The following SLF2 variants were observed in gnomAD, a reference collection of about 807,000 sequenced individuals.
SLF2 encodes SMC5/6 complex localization factor 2.
In SLF2, 68 loss-of-function variants were observed where a neutral mutation model predicts 124.3. The ratio of observed to expected loss-of-function variants is 0.55; its 90% confidence interval spans 0.45 to 0.67. SLF2 has a LOEUF of 0.67. Ranked by LOEUF, SLF2 falls within the 30% of genes least tolerant of loss-of-function variation. The probability of loss-of-function intolerance (pLI) is 0.00; values close to 1 mark genes in which losing one functional copy is unlikely to be tolerated. For missense variants in SLF2, 1,246 were observed against 1,373.7 expected, an observed-to-expected ratio of 0.91 and a Z score of 1.47; for synonymous variants, 480 against 478.8, an observed-to-expected ratio of 1.00 and a Z score of -0.03.
intron 9 of SLF2, among the ~76,000 whole-genome samples, chr10:100,933,597 T>A (rs1435171439): frequency 2.6e-5 from 4 of 152,130 alleles, no homozygotes; most frequent in African/African-American, 7.2e-5. Flanking sequence ...TTTTTTTTTT[T>A]AACAATTTTC....
chr10:100,924,483 T>G lies in SLF2; in HGVS notation c.1482T>G (p.Cys494Trp), dbSNP rs571983625. The G allele has an allele frequency of 1.9e-6, 3 of 1,614,190 alleles. No individual in the cohort carries two copies. The South Asian group carries it at 3.3e-5, about 18-fold the overall frequency. ...TAGTACCATTAAATGCTAAAAATTG[T>G]GCTCTTCCAGTTTCTAAAAAAGATA... ...SSLVPLNAKNCALPVSKKDKE... is the reference protein window; with the variant it reads ...SSLVPLNAKNWALPVSKKDKE... Residue 494 changes from cysteine (C) to tryptophan (W), a missense_variant, in exon 5 of 20, where the codon TGT becomes TGG. Physicochemically the swap from Cys to Trp is radical, Grantham distance 215. Around this residue, in one of 3 missense-constraint regions of SLF2, gnomAD observed 698 missense variants for 708.9 expected, o/e 0.98. Transcript: ENST00000238961.
At chr10:100,952,737 G>A (rs564102647) in intron 17 of SLF2, among the ~76,000 whole-genome samples, 5 of 151,464 alleles carry the variant, frequency 3.3e-5, no homozygotes, top group East Asian at 2.0e-4. Flanking sequence ...TCAGGAGTTC[G>A]AGACCAGCCT....
chr10:100,942,814 C>T (rs1850007608), intron 11 of SLF2, among the ~76,000 whole-genome samples: 1 of 152,186 alleles, frequency 6.6e-6, no homozygotes, highest in African/African-American at 2.4e-5. Context: ...CCACCATGCC[C>T]AGCCAAATTT....
Position 100,944,034 on chromosome 10 carries a change from C to G in SLF2, c.2663C>G (p.Thr888Arg). ...DFNEDYLVSE[T>R]QTTSRGKESE... ...TACTCACTTCTCAATAGTTCTGAAA[C>G]ACAGACAACATCAAGGGGGAAAGAA... Residue 888 changes from threonine (T) to arginine (R), a missense_variant, in exon 12 of 20, where the codon ACA (threonine) becomes AGA (arginine). This residue lies in a region of SLF2 where 535 missense variants were observed against 632.8 expected (regional missense o/e 0.85). Transcript: ENST00000238961. 1 of 1,608,914 alleles carries G rather than the reference C, an allele frequency of 6.2e-7. No individual in the cohort carries two copies.
intron 9 of SLF2, 113 bp from the exon 10 acceptor site, chr10:100,937,289 G>A: frequency 1.3e-6 from 1 of 797,898 alleles, no homozygotes; most frequent in South Asian, 1.4e-5. Context: ...AGGATTACAG[G>A]CATGAACTGC....
intron 19 of SLF2, among the ~76,000 whole-genome samples, chr10:100,960,995 C>CTACTTTTTTTTTTTTTTTTTT (rs1411407192): frequency 1.8e-5 from 1 of 54,450 alleles, no homozygotes. Context: ...ATATTCTGTA[C>CTACTTTTTTTTTTTTTTTTTT]TTCTTTTTTT....
chr10:100,922,323 A>G (rs1306525769), intron 4 of SLF2, among the ~76,000 whole-genome samples: 1 of 152,186 alleles, frequency 6.6e-6, no homozygotes, highest in Non-Finnish European at 1.5e-5. Flanking sequence ...TGATCCTCCC[A>G]AAGTGCTGGG....
chr10:100,932,563 C>G (rs766917151), intron 9 of SLF2, among the ~76,000 whole-genome samples: 1 of 152,038 alleles, frequency 6.6e-6, no homozygotes, highest in Admixed American at 6.5e-5. Context: ...TACAGACTTT[C>G]GTTCATTGTT....
At chr10:100,956,385 C>A in intron 17 of SLF2, 66 bp from the exon 18 acceptor site, 1 of 1,124,798 alleles carries the variant, frequency 8.9e-7, no homozygotes, top group African/African-American at 1.6e-5. Context: ...GTTCTAGCTG[C>A]ATAATTTCTT....
At chr10:100,926,378 C>T (rs1849615008) in intron 6 of SLF2, 5 of 1,119,436 alleles carry the variant, frequency 4.5e-6, no homozygotes, top group Admixed American at 3.3e-5. Flanking sequence ...CCAAAGCAGG[C>T]AAATCTCTTG....
intron 13 of SLF2, 71 bp downstream of exon 13, chr10:100,945,577 A>G: frequency 8.7e-7 from 1 of 1,147,892 alleles, no homozygotes; most frequent in Non-Finnish European, 1.2e-6. Context: ...TGCATATGGA[A>G]TTAATACTGT....
At chr10:100,917,415 A>G in intron 3 of SLF2, 115 bp downstream of exon 3, 2 of 1,170,856 alleles carry the variant, frequency 1.7e-6, no homozygotes, top group African/African-American at 1.6e-5. Context: ...TGAAGGAAAT[A>G]CTTATGCACA....
rs1470949533 is a variant in SLF2 at position 100,916,989 on chromosome 10, A to G, written c.604A>G (p.Thr202Ala). The G allele has an allele frequency of 1.2e-6, 2 of 1,614,206 alleles. No individual in the cohort carries two copies. Among genetic ancestry groups the G allele is most frequent in the African/African-American group, 1.3e-5 (1 of 75,060 alleles). Reference sequence around the variant, plus strand: ...CAATGCAGACTCCAAAAAGCAGACCACAGTGGCAGAAGCTGACATCTTCAA... The same window carrying G: ...CAATGCAGACTCCAAAAAGCAGACCGCAGTGGCAGAAGCTGACATCTTCAA... ...KTNADSKKQT[T>A]VAEADIFNNS... The change falls in exon 3 of 20, where the codon ACA (threonine) becomes GCA (alanine). Residue 202 changes from threonine (T) to alanine (A), a missense_variant. Thr to Ala is a moderately conservative substitution (Grantham distance 58, BLOSUM62 0). This residue lies in a region of SLF2 where 698 missense variants were observed against 708.9 expected (regional missense o/e 0.98). Coordinates refer to ENST00000238961, the MANE Select transcript of SLF2 (RefSeq NM_018121.4).
At chr10:100,949,784 C>T (rs1243938938) in intron 15 of SLF2, among the ~76,000 whole-genome samples, 2 of 151,870 alleles carry the variant, frequency 1.3e-5, no homozygotes, top group Non-Finnish European at 2.9e-5. Flanking sequence ...TTAGTAGAGG[C>T]GGGGTTTCTC....
At chr10:100,957,516 A>G (rs1022888683) in intron 18 of SLF2, among the ~76,000 whole-genome samples, 2 of 150,854 alleles carry the variant, frequency 1.3e-5, no homozygotes, top group African/African-American at 4.9e-5. Context: ...ATGCCCGGCA[A>G]ATTTTTTTTT....
chr10:100,954,093 CAAA>C (rs11317743), intron 17 of SLF2, among the ~76,000 whole-genome samples: 2 of 145,066 alleles, frequency 1.4e-5, no homozygotes, highest in Non-Finnish European at 1.5e-5. Context: ...GCCATCTTTA[CAAA>C]AAAAAAAAAA....
At chr10:100,921,930 T>A (rs1849529788) in intron 4 of SLF2, among the ~76,000 whole-genome samples, 1 of 152,236 alleles carries the variant, frequency 6.6e-6, no homozygotes, top group Admixed American at 6.5e-5. Context: ...AATGATTTCC[T>A]CAGGTAATGG....
intron 7 of SLF2, 55 bp from the exon 8 acceptor site, chr10:100,929,775 C>T: frequency 1.5e-6 from 2 of 1,348,756 alleles, no homozygotes; most frequent in East Asian, 2.5e-5. Context: ...CTTTTAAATA[C>T]AAAACTATAT....
intron 9 of SLF2, 113 bp downstream of exon 9, chr10:100,931,191 C>T (rs1849728181): frequency 1.3e-6 from 1 of 771,422 alleles, no homozygotes; most frequent in Admixed American, 2.7e-5. Context: ...TGTAGCACAT[C>T]CATGATGTCA....
Sources: gnomAD v4.1 joint callset for allele counts (sites outside exome capture counted in the v4.1 genomes callset) on GRCh38, gnomAD v4.1.1 for gene constraint, gnomAD v4.1.1 regional missense constraint, MANE v1.5 for transcripts, NCBI Gene and HGNC (gene_info 2026-07-23, HGNC 2026-07-21) for gene names.